The following ELP3 variants were observed in gnomAD, a reference collection of about 807,000 sequenced individuals.
ELP3 encodes the protein elongator acetyltransferase complex subunit 3.
In ELP3, 56 loss-of-function variants were observed where a neutral mutation model predicts 74.9. The ratio of observed to expected loss-of-function variants is 0.75; its 90% CI spans 0.60 to 0.93. The LOEUF (loss-of-function observed/expected upper bound fraction) is 0.93. Among genes scored for constraint, ELP3 ranks in the 40% least tolerant of loss-of-function variants. The probability of loss-of-function intolerance (pLI) is 0.00; values close to 1 mark genes in which losing one functional copy is unlikely to be tolerated. For missense variants in ELP3, 573 were observed against 686.5 expected, an observed-to-expected ratio of 0.83 and a Z score of 1.85; for synonymous variants, 222 against 239.8, an observed-to-expected ratio of 0.93 and a Z score of 0.68.
intron 7 of ELP3, among the ~76,000 whole-genome samples, chr8:28,124,520 C>T (rs1193738314): frequency 1.3e-5 from 2 of 152,096 alleles, no homozygotes; most frequent in Non-Finnish European, 2.9e-5. Flanking sequence ...CATTTAGCAA[C>T]CACTTTCTGA....
chr8:28,182,941 G>A (rs991290281), intron 14 of ELP3, among the ~76,000 whole-genome samples: 3 of 152,134 alleles, frequency 2.0e-5, no homozygotes, highest in Non-Finnish European at 4.4e-5. Context: ...GGAGGCCAGG[G>A]GCTCTTGGCA....
chr8:28,151,756 G>C (rs1813649770), intron 10 of ELP3, among the ~76,000 whole-genome samples: 1 of 152,144 alleles, frequency 6.6e-6, no homozygotes, highest in Non-Finnish European at 1.5e-5. Context: ...TTAGGCTCTG[G>C]TTAACTAGTT....
At chr8:28,116,827 A>G (rs1812157944) in intron 7 of ELP3, among the ~76,000 whole-genome samples, 1 of 152,230 alleles carries the variant, frequency 6.6e-6, no homozygotes, top group Non-Finnish European at 1.5e-5. Context: ...AGGAGTAATG[A>G]TATCATCCAG....
intron 7 of ELP3, among the ~76,000 whole-genome samples, chr8:28,117,869 T>C (rs1812200038): frequency 6.6e-6 from 1 of 152,202 alleles, no homozygotes; most frequent in South Asian, 2.1e-4. Context: ...GTTTGTGCTA[T>C]AGAACTAGAG....
At chr8:28,097,348 G>A in intron 2 of ELP3, 30 bp downstream of exon 2, 3 of 1,443,780 alleles carry the variant, frequency 2.1e-6, no homozygotes, top group Non-Finnish European at 2.9e-6. Flanking sequence ...GAGCAAGCTT[G>A]TTCTTAGGTA....
chr8:28,117,823 T>C (rs774648776), intron 7 of ELP3, among the ~76,000 whole-genome samples: 27 of 152,238 alleles, frequency 1.8e-4, no homozygotes, highest in Non-Finnish European at 3.4e-4. Context: ...GTATTTGTTT[T>C]GAGGGAAACT....
Position 28,169,386 on chromosome 8 carries a change from C to A in ELP3, c.1567+7308C>A, listed in dbSNP as rs140341547. ...CAGCAGGGCATAGAGGGGATGGTTC[C>A]TGTCTGTTCTGTGATGTCAAGGGCC... On this transcript the variant is annotated intron_variant, in intron 14 of 14. Transcript: ENST00000256398. Among the ~76,000 whole-genome samples the A allele has an allele frequency of 2.4e-3, 365 of 152,226 alleles. 1 individual carries two copies. Among genetic ancestry groups the A allele is most frequent in the African/African-American group, 8.4e-3 (349 of 41,544 alleles).
intron 6 of ELP3, chr8:28,110,653 G>T (rs747890660): frequency 2.8e-5 from 12 of 433,112 alleles, no homozygotes; most frequent in Non-Finnish European, 4.5e-5. Context: ...TTGTTTAAGG[G>T]TTTTATATTC....
intron 14 of ELP3, among the ~76,000 whole-genome samples, chr8:28,174,999 A>G (rs1245213698): frequency 6.6e-6 from 1 of 152,166 alleles, no homozygotes; most frequent in Non-Finnish European, 1.5e-5. Flanking sequence ...CATAGTTTCT[A>G]ATATCAGTTG....
At chr8:28,158,526 C>T in intron 11 of ELP3, 42 bp from the exon 12 acceptor site, 1 of 1,310,536 alleles carries the variant, frequency 7.6e-7, no homozygotes, top group Non-Finnish European at 1.1e-6. Flanking sequence ...ATTTGTACCC[C>T]TCCCACCCCC....
intron 7 of ELP3, among the ~76,000 whole-genome samples, chr8:28,122,959 A>C (rs969726818): frequency 6.6e-6 from 1 of 152,202 alleles, no homozygotes; most frequent in Admixed American, 6.5e-5. Flanking sequence ...CCCCGTCTCT[A>C]CTAAAAATAC....
chr8:28,133,868 C>G (rs750982801), intron 9 of ELP3, among the ~76,000 whole-genome samples: 1 of 134,130 alleles, frequency 7.5e-6, no homozygotes, highest in Non-Finnish European at 1.6e-5. Context: ...GACTGTGAGT[C>G]TAGTATCCTC....
upstream of ELP3, among the ~76,000 whole-genome samples, chr8:28,091,714 C>T (rs1016969258): frequency 6.6e-6 from 1 of 152,086 alleles, no homozygotes; most frequent in South Asian, 2.1e-4. Context: ...TTCTGGAGAA[C>T]GTAAACCAAA....
At chr8:28,171,849 A>G (rs1814543358) in intron 14 of ELP3, among the ~76,000 whole-genome samples, 1 of 152,106 alleles carries the variant, frequency 6.6e-6, no homozygotes, top group Admixed American at 6.5e-5. Flanking sequence ...ATATAAGGTA[A>G]GAGTCTAATT....
intron 3 of ELP3, among the ~76,000 whole-genome samples, chr8:28,102,637 A>G (rs933129913): frequency 6.6e-6 from 1 of 152,168 alleles, no homozygotes; most frequent in Non-Finnish European, 1.5e-5. Flanking sequence ...TAGAGAAAAA[A>G]AATTTATACA....
chr8:28,092,032 T>C (rs1243780340), upstream of ELP3, among the ~76,000 whole-genome samples: 1 of 152,190 alleles, frequency 6.6e-6, no homozygotes, highest in Admixed American at 6.5e-5. Context: ...GTCCCCTACC[T>C]ACTGTAAATT....
At chr8:28,184,328 G>C (rs1280283748) in intron 14 of ELP3, among the ~76,000 whole-genome samples, 1 of 152,178 alleles carries the variant, frequency 6.6e-6, no homozygotes, top group South Asian at 2.1e-4. Flanking sequence ...TCTCAGGCCT[G>C]CTGCGTCTTA....
At position 28,189,869 on chromosome 8, in the gene ELP3, C is replaced by T. The variant is rs1815390295; in HGVS notation, c.*144C>T. The stretch of plus-strand genomic sequence containing the variant: ...CGCAGCTGCAGAGACTGGAAACTGC[C>T]TTCAAGGCCACGGCTGGTCATCTGC... On this transcript the variant is annotated 3_prime_UTR_variant, in exon 15 of 15. Coordinates refer to ENST00000256398, the MANE Select transcript of ELP3 (RefSeq NM_018091.6). 5 of 839,842 alleles carry T rather than the reference C, an allele frequency of 6.0e-6. No individual in the cohort carries two copies. Among genetic ancestry groups the T allele is most frequent in the South Asian group, 3.4e-5 (2 of 59,044 alleles). The allele number at this position is 839,842 out of a possible 1,614,324, so 52.0% of individuals were successfully genotyped here. A position where few individuals can be genotyped will look rare whatever the true frequency, so the allele number is the denominator to read the frequency against.
chr8:28,137,750 C>T lies in ELP3; in HGVS notation c.959C>T (p.Thr320Ile), dbSNP rs1249997208. The T allele has an allele frequency of 9.9e-6, 16 of 1,613,966 alleles. No homozygotes were observed. The highest frequency in any genetic ancestry group is 1.4e-5 in the Non-Finnish European group (16 of 1,180,024). Reference protein sequence around the residue: ...FRPDGLKLYPTLVIRGTGLYE... With the variant: ...FRPDGLKLYPILVIRGTGLYE... ...CCCGATGGGCTGAAACTCTATCCTA[C>T]CCTGGTGATTCGTGGGACCGGGCTT... Residue 320 changes from threonine to isoleucine, a missense_variant, in exon 10 of 15, where the codon ACC (threonine) becomes ATC (isoleucine). Transcript: ENST00000256398.
Sources: gnomAD v4.1 joint callset for allele counts (sites outside exome capture counted in the v4.1 genomes callset) on GRCh38, gnomAD v4.1.1 for gene constraint, MANE v1.5 for transcripts, NCBI Gene and HGNC (gene_info 2026-07-23, HGNC 2026-07-21) for gene names.